The following FAM193A variants were observed in gnomAD, a reference collection of about 807,000 sequenced individuals.
FAM193A encodes the protein family with sequence similarity 193 member A.
A neutral mutation model predicts 126.5 loss-of-function variants in FAM193A; 22 were observed. The ratio of observed to expected loss-of-function variants is 0.17; its 90% CI spans 0.12 to 0.25. The LOEUF is 0.25. FAM193A is among the 10% of genes least tolerant of loss of function. FAM193A has a pLI of 1.00. For synonymous variants in FAM193A, 761 were observed against 646.8 expected (o/e 1.18, Z -2.68); for missense variants, 1,675 against 1,672.8 (o/e 1.00, Z -0.02).
At chr4:2,590,888 G>A (rs1035963937) in intron 1 of FAM193A, among the ~76,000 whole-genome samples, 36 of 151,920 alleles carry the variant, frequency 2.4e-4, no homozygotes, top group African/African-American at 7.0e-4. Flanking sequence ...TTAACCAGGC[G>A]TGGTGGCGCG....
rs1289737695 is a variant in FAM193A, at chr4:2,719,761, C to CTCCT, written c.4454+3666_4454+3669dup. Among the ~76,000 whole-genome samples, 13 of 132,770 alleles carry CTCCT rather than the reference C, an allele frequency of 9.8e-5. No individual in the cohort carries two copies. In the East Asian group the frequency reaches 1.1e-3, roughly 11 times the overall value. The allele number at this position is 132,770 out of a possible 152,430, so 87.1% of individuals were successfully genotyped here. A position where few individuals can be genotyped will look rare whatever the true frequency, so the allele number is the denominator to read the frequency against. On this transcript the variant is annotated intron_variant, in intron 20 of 20. Transcript: ENST00000637812. ...CTCTCAAAAAAAAAAAAAAAAAATC[C>CTCCT]TCCTTCCTTCCTCCCTCCCTCCCTC...
intron 19 of FAM193A, among the ~76,000 whole-genome samples, chr4:2,709,017 A>G (rs550625511): frequency 1.8e-3 from 278 of 152,250 alleles, no homozygotes; most frequent in Middle Eastern, 3.4e-3. Flanking sequence ...TATATATTAT[A>G]AGATAATTAT....
Position 2,536,966 on chromosome 4 carries a change from G to C in FAM193A, c.51G>C (p.Arg17=), listed in dbSNP as rs1166758080. 6.7e-6 allele frequency: 1 copy of C among 149,230 alleles called. No individual in the cohort carries two copies. The highest frequency in any genetic ancestry group is 1.5e-5 in the Non-Finnish European group (1 of 67,394). The allele number at this position is 149,230 out of a possible 1,614,324, so 9.2% of individuals were successfully genotyped here. Residue 17 remains arginine (R), a synonymous_variant, in exon 1 of 21, where the codon CGG becomes CGC. Coordinates refer to ENST00000637812, the MANE Select transcript of FAM193A (RefSeq NM_001366318.2). ...KRGAKRRKNK[R]GGGGGSGGGN... is the part of the protein sequence containing the mutation. ...GGGCCAAGCGCCGGAAGAACAAGCG[G>C]GGCGGCGGCGGCGGCTCGGGCGGGG...
At chr4:2,572,529 G>A (rs1739354229) in intron 1 of FAM193A, among the ~76,000 whole-genome samples, 2 of 151,988 alleles carry the variant, frequency 1.3e-5, no homozygotes, top group African/African-American at 2.4e-5. Context: ...ACTGAGAGAT[G>A]GAAATGAGAT....
chr4:2,643,704 T>C (rs1023135927), intron 6 of FAM193A, among the ~76,000 whole-genome samples: 1 of 152,224 alleles, frequency 6.6e-6, no homozygotes, highest in Non-Finnish European at 1.5e-5. Flanking sequence ...TGCTTTGGTC[T>C]GGATCCTGCG....
intron 7 of FAM193A, among the ~76,000 whole-genome samples, chr4:2,651,564 A>G (rs1745668993): frequency 6.6e-6 from 1 of 152,146 alleles, no homozygotes; most frequent in Non-Finnish European, 1.5e-5. Context: ...CTATCATGAG[A>G]ACAGCATGGG....
intron 5 of FAM193A, among the ~76,000 whole-genome samples, chr4:2,638,080 C>G (rs1744261033): frequency 6.6e-6 from 1 of 152,212 alleles, no homozygotes; most frequent in Non-Finnish European, 1.5e-5. Flanking sequence ...AATGGCTATC[C>G]CAGAGGTTTC....
At chr4:2,658,197 C>A (rs966140089) in intron 8 of FAM193A, among the ~76,000 whole-genome samples, 7 of 152,140 alleles carry the variant, frequency 4.6e-5, no homozygotes, top group African/African-American at 1.4e-4. Flanking sequence ...GCAGATGGTG[C>A]CATCTGCAGT....
intron 1 of FAM193A, among the ~76,000 whole-genome samples, chr4:2,562,841 G>A (rs1228743835): frequency 6.6e-6 from 1 of 151,686 alleles, no homozygotes; most frequent in Non-Finnish European, 1.5e-5. Flanking sequence ...TGTTGGCCAG[G>A]ATGGTCTGGA....
chr4:2,659,517 A>C, intron 8 of FAM193A, 41 bp from the exon 9 acceptor site: 3 of 1,333,204 alleles, frequency 2.3e-6, no homozygotes, highest in Non-Finnish European at 3.2e-6. Flanking sequence ...TGTCTCGGGG[A>C]AGGGTCTTGC....
At chr4:2,542,096 A>C (rs1262433944) in intron 1 of FAM193A, among the ~76,000 whole-genome samples, 1 of 151,292 alleles carries the variant, frequency 6.6e-6, no homozygotes, top group Non-Finnish European at 1.5e-5. Flanking sequence ...GCTCACTGCA[A>C]CCTCCGCCTC....
intron 1 of FAM193A, among the ~76,000 whole-genome samples, chr4:2,540,901 C>T (rs1404116863): frequency 6.7e-6 from 1 of 148,268 alleles, no homozygotes; most frequent in Non-Finnish European, 1.5e-5. Context: ...ACGGAGGTTG[C>T]AGTGAGCCCA....
intron 2 of FAM193A, among the ~76,000 whole-genome samples, chr4:2,598,163 G>C (rs192106698): frequency 6.6e-6 from 1 of 152,194 alleles, no homozygotes; most frequent in African/African-American, 2.4e-5. Flanking sequence ...ATAGTGCTGG[G>C]ATTATAGGCA....
At chr4:2,577,436 T>TTTTTTTTTTTTTTTTTTTTTTTTC (rs1739663592) in intron 1 of FAM193A, among the ~76,000 whole-genome samples, 1 of 148,828 alleles carries the variant, frequency 6.7e-6, no homozygotes, top group African/African-American at 2.5e-5. Context: ...TTTTTTTTTT[T>TTTTTTTTTTTTTTTTTTTTTTTTC]GAGACAGAGT....
rs766362827 is a variant in FAM193A, at chr4:2,693,834, G to T, written c.3052G>T (p.Ala1018Ser). 1.9e-6 allele frequency: 3 copies of T among 1,614,186 alleles called. No homozygotes were observed. In the East Asian group the frequency reaches 6.7e-5, roughly 36 times the overall value. The change falls in exon 16 of 21, where the codon GCC (alanine) becomes TCC (serine). Residue 1018 changes from alanine (A) to serine (S), a missense_variant. Physicochemically the swap from Ala to Ser is moderately conservative, Grantham distance 99. This residue lies in a region of FAM193A where 1,186 missense variants were observed against 1,109.2 expected (regional missense o/e 1.07). Transcript: ENST00000637812. The part of the protein sequence containing the change: ...KSFCPAPLPP[A>S]TDGSISAPPS... The stretch of plus-strand genomic sequence containing the variant: ...TTTCTGTCCTGCACCCCTACCCCCG[G>T]CCACAGATGGCTCCATTAGCGCCCC...
chr4:2,577,788 A>G (rs977726657), intron 1 of FAM193A, among the ~76,000 whole-genome samples: 8 of 152,108 alleles, frequency 5.3e-5, no homozygotes, highest in Non-Finnish European at 1.0e-4. Context: ...GCCTTTCTGA[A>G]TTGATTTCTA....
intron 1 of FAM193A, among the ~76,000 whole-genome samples, chr4:2,570,482 C>T (rs1007143314): frequency 2.0e-5 from 3 of 152,052 alleles, no homozygotes; most frequent in Admixed American, 6.6e-5. Context: ...TTTTTTCCTC[C>T]ATATATCTTT....
chr4:2,711,497 G>A (rs1396169675), intron 19 of FAM193A, among the ~76,000 whole-genome samples: 2 of 151,514 alleles, frequency 1.3e-5, no homozygotes, highest in South Asian at 2.1e-4. Context: ...GCACCACCAC[G>A]CCTGGCTAAT....
chr4:2,614,459 C>T (rs934781463), intron 2 of FAM193A, among the ~76,000 whole-genome samples: 4 of 152,128 alleles, frequency 2.6e-5, no homozygotes, highest in Non-Finnish European at 5.9e-5. Context: ...TGGGATAACT[C>T]ACATTTGGTT....
Sources: gnomAD v4.1 joint callset for allele counts (sites outside exome capture counted in the v4.1 genomes callset) on GRCh38, gnomAD v4.1.1 for gene constraint, gnomAD v4.1.1 regional missense constraint, MANE v1.5 for transcripts, NCBI Gene and HGNC (gene_info 2026-07-23, HGNC 2026-07-21) for gene names.